PARG: variants seen among roughly 807,000 people sequenced by gnomAD.
PARG encodes poly(ADP-ribose) glycohydrolase, also known as mitochondrial poly(ADP-ribose) glycohydrolase.
Under a neutral mutation model 113.0 loss-of-function variants are expected in PARG, and 35 were observed. The observed-to-expected ratio is 0.31, with a 90% confidence interval of 0.24 to 0.41. The LOEUF (loss-of-function observed/expected upper bound fraction) is 0.41, where lower values mean the gene tolerates loss of function less well. PARG is among the 10% of genes least tolerant of loss of function. PARG has a pLI of 1.00. For synonymous variants in PARG, 330 were observed against 409.9 expected (o/e 0.81, Z 2.36); for missense variants, 797 against 1,169.4 (o/e 0.68, Z 4.64).
intron 16 of PARG, among the ~76,000 whole-genome samples, chr10:49,825,450 T>C (rs1435770717): frequency 1.3e-5 from 2 of 152,196 alleles, no homozygotes; most frequent in African/African-American, 4.8e-5. Context: ...GCTATCTGTA[T>C]GACTCTAGGC....
intron 9 of PARG, 113 bp downstream of exon 9, chr10:49,879,560 A>G: frequency 3.1e-6 from 2 of 637,630 alleles, no homozygotes. Context: ...TAAAAATTAA[A>G]TAAGACAACT....
chr10:49,822,036 A>C (rs1344087205), intron 16 of PARG, among the ~76,000 whole-genome samples: 1 of 152,158 alleles, frequency 6.6e-6, no homozygotes, highest in Admixed American at 6.5e-5. Flanking sequence ...GCAACTCTGA[A>C]ACTATTTTGA....
intron 13 of PARG, among the ~76,000 whole-genome samples, chr10:49,849,980 T>C (rs1193835380): frequency 1.3e-5 from 2 of 152,196 alleles, no homozygotes; most frequent in African/African-American, 4.8e-5. Context: ...ATTGTGCCAC[T>C]GTACCCTAGC....
chr10:49,852,155 TG>T (rs1468957265), intron 13 of PARG, among the ~76,000 whole-genome samples: 1 of 152,204 alleles, frequency 6.6e-6, no homozygotes, highest in Non-Finnish European at 1.5e-5. Flanking sequence ...AGGAGGGAGA[TG>T]GCAGAAATCC....
Position 49,933,841 on chromosome 10 carries a change from C to A in PARG, c.607G>T (p.Glu203Ter). 1 of 1,603,998 alleles carries A rather than the reference C, an allele frequency of 6.2e-7. No homozygotes were observed. Among genetic ancestry groups the A allele is most frequent in the Non-Finnish European group, 8.5e-7 (1 of 1,170,738 alleles). Residue 203 changes from glutamate to a stop codon, truncating the protein, a stop_gained, in exon 3 of 18, where the codon GAG (glutamate) becomes TAG (stop). Transcript: ENST00000616448. LOFTEE classifies it high-confidence loss of function. ...AGAAACTGTTGATTGTCTCTATTCT[C>A]TTCACTATCTGTGTCACTGTGATCA... ...NDDHSDTDSE[E>*]NRDNQQFLTT...
chr10:49,891,323 TAAATAAAAAATAAAA>T (rs1462053010), intron 7 of PARG, among the ~76,000 whole-genome samples: 1 of 150,854 alleles, frequency 6.6e-6, no homozygotes, highest in Non-Finnish European at 1.5e-5. Flanking sequence ...CAAAAATAAA[TAAATAAAAAATAAAA>T]AAATAAAAAA....
At chr10:49,889,125 C>A (rs1554841002) in intron 7 of PARG, among the ~76,000 whole-genome samples, 1 of 147,230 alleles carries the variant, frequency 6.8e-6, no homozygotes, top group African/African-American at 2.5e-5. Context: ...TTTATAATTG[C>A]TCAGCCTTCT....
chr10:49,820,482 G>T (rs1423371597), intron 16 of PARG, among the ~76,000 whole-genome samples, 189 bp from the exon 17 acceptor site: 1 of 152,080 alleles, frequency 6.6e-6, no homozygotes, highest in Non-Finnish European at 1.5e-5. Context: ...AGCACTCTGG[G>T]AGGCTGAGGC....
intron 9 of PARG, among the ~76,000 whole-genome samples, chr10:49,870,456 T>C (rs1428561034): frequency 6.6e-6 from 1 of 151,268 alleles, no homozygotes; most frequent in East Asian, 2.0e-4. Flanking sequence ...TAGAGATCCT[T>C]TGCATGGTAA....
chr10:49,900,514 A>G (rs1848304065), intron 7 of PARG, among the ~76,000 whole-genome samples: 1 of 152,144 alleles, frequency 6.6e-6, no homozygotes, highest in South Asian at 2.1e-4. Flanking sequence ...AAACATGAAG[A>G]ATAGAATTGT....
At chr10:49,819,845 G>A (rs940380691) in intron 17 of PARG, among the ~76,000 whole-genome samples, 1 of 152,116 alleles carries the variant, frequency 6.6e-6, no homozygotes, top group East Asian at 1.9e-4. Context: ...CAGGACAGTG[G>A]GGCTTCTCAG....
chr10:49,910,097 G>A (rs1837083068), intron 7 of PARG, among the ~76,000 whole-genome samples: 1 of 151,922 alleles, frequency 6.6e-6, no homozygotes, highest in African/African-American at 2.4e-5. Flanking sequence ...TCAATATGAT[G>A]TCCCATTTAC....
At chr10:49,884,999 C>T (rs1348540324) in intron 8 of PARG, among the ~76,000 whole-genome samples, 7 of 150,350 alleles carry the variant, frequency 4.7e-5, no homozygotes, top group Non-Finnish European at 8.9e-5. Flanking sequence ...TACCCTCTAA[C>T]CTTTTCCTTA....
intron 7 of PARG, among the ~76,000 whole-genome samples, chr10:49,890,171 T>C (rs1554841206): frequency 1.3e-5 from 2 of 152,078 alleles, no homozygotes; most frequent in African/African-American, 4.8e-5. Flanking sequence ...AAAAAGAAAG[T>C]TGTATTAAAT....
chr10:49,888,699 A>C (rs868931682), intron 7 of PARG, among the ~76,000 whole-genome samples: 6 of 152,024 alleles, frequency 3.9e-5, no homozygotes, highest in Non-Finnish European at 8.8e-5. Context: ...CTTGGTATGA[A>C]TTTCTTTGGG....
chr10:49,878,679 T>C (rs1554838855), intron 9 of PARG, among the ~76,000 whole-genome samples: 2 of 150,444 alleles, frequency 1.3e-5, no homozygotes, highest in South Asian at 2.1e-4. Context: ...ACAAAAGCAG[T>C]ATGGCAAACA....
intron 15 of PARG, among the ~76,000 whole-genome samples, chr10:49,835,797 C>A (rs1381843748): frequency 6.6e-6 from 1 of 151,658 alleles, no homozygotes; most frequent in East Asian, 1.9e-4. Context: ...TTTAGAAGGC[C>A]CAAGCAGATA....
intron 7 of PARG, among the ~76,000 whole-genome samples, chr10:49,887,105 T>C (rs140795216): frequency 0.018 from 2,740 of 151,936 alleles, 73 homozygotes; most frequent in African/African-American, 0.063. Context: ...GCTGGAGTGC[T>C]GTGGCATGAC....
chr10:49,830,066 T>C (rs1324966496), intron 16 of PARG, among the ~76,000 whole-genome samples: 3 of 152,106 alleles, frequency 2.0e-5, no homozygotes, highest in Non-Finnish European at 4.4e-5. Flanking sequence ...GTTGAGGAAA[T>C]GAATTATATA....
Sources: allele counts gnomAD v4.1 joint callset (sites outside exome capture counted in the v4.1 genomes callset), GRCh38; gene constraint gnomAD v4.1.1; transcripts MANE v1.5; gene names NCBI Gene and HGNC (gene_info 2026-07-23, HGNC 2026-07-21).